The following CHD9 variants were observed in gnomAD, a reference collection of about 807,000 sequenced individuals.
CHD9 encodes the protein chromodomain helicase DNA binding protein 9.
Under a neutral mutation model 316.1 loss-of-function variants are expected in CHD9, and 77 were observed. The ratio of observed to expected loss-of-function variants is 0.24; its 90% CI spans 0.20 to 0.29. CHD9 has a LOEUF of 0.29. CHD9 is among the 10% of genes least tolerant of loss of function. CHD9 has a pLI of 1.00. For missense variants in CHD9, 2,763 were observed against 3,438.1 expected, an observed-to-expected ratio of 0.80 and a Z score of 4.91; for synonymous variants, 1,129 against 1,158.3, an observed-to-expected ratio of 0.97 and a Z score of 0.51.
chr16:53,128,550 T>C (rs955367875), intron 1 of CHD9, among the ~76,000 whole-genome samples: 2 of 152,184 alleles, frequency 1.3e-5, no homozygotes, highest in African/African-American at 4.8e-5. Context: ...CGCTTGGCTT[T>C]AGACAGCCCA....
At chr16:53,185,944 G>A (rs1273025533) in intron 2 of CHD9, among the ~76,000 whole-genome samples, 1 of 152,246 alleles carries the variant, frequency 6.6e-6, no homozygotes, top group African/African-American at 2.4e-5. Context: ...CCAGGCAGAA[G>A]TGTGCTGCAG....
intron 7 of CHD9, among the ~76,000 whole-genome samples, chr16:53,228,649 A>T (rs986813362): frequency 1.3e-5 from 2 of 150,754 alleles, no homozygotes; most frequent in East Asian, 3.9e-4. Flanking sequence ...GTTTTAAATC[A>T]CATTAGTTTC....
At chr16:53,308,936 A>C in intron 34 of CHD9, 82 bp downstream of exon 34, 1 of 1,139,426 alleles carries the variant, frequency 8.8e-7, no homozygotes, top group South Asian at 1.6e-5. Flanking sequence ...CTTGTAATAA[A>C]AATTTATTTT....
At chr16:53,084,072 T>C (rs957612567) in intron 1 of CHD9, among the ~76,000 whole-genome samples, 3 of 152,036 alleles carry the variant, frequency 2.0e-5, no homozygotes, top group Non-Finnish European at 4.4e-5. Flanking sequence ...TTGAATTTTT[T>C]TGTAGAGGTG....
At chr16:53,146,973 C>T (rs2040682804) in intron 1 of CHD9, among the ~76,000 whole-genome samples, 1 of 151,804 alleles carries the variant, frequency 6.6e-6, no homozygotes, top group Non-Finnish European at 1.5e-5. Context: ...CATTCCCTCT[C>T]CCCCACCAAA....
At chr16:53,110,822 G>T (rs1043448539) in intron 1 of CHD9, among the ~76,000 whole-genome samples, 3 of 152,124 alleles carry the variant, frequency 2.0e-5, no homozygotes, top group Non-Finnish European at 4.4e-5. Flanking sequence ...TGAGATGCTG[G>T]CAACTGATTC....
In CHD9 at chr16:53,253,080, G is replaced by C. The variant is rs990343815; in HGVS notation, c.3862-1358G>C. ...CTAAAAGGAAAATAAGTCATTATTC[G>C]AAAAAGATACTTGGACACACATGTT... is the stretch of plus-strand genomic sequence containing the variant. On this transcript the variant is annotated intron_variant, in intron 17 of 38. Transcript: ENST00000447540. Among the ~76,000 whole-genome samples the C allele has an allele frequency of 4.6e-5, 7 of 152,060 alleles. No homozygotes were observed. The South Asian group carries it at 8.3e-4, about 18-fold the overall frequency.
chr16:53,155,003 T>A (rs1239798140), intron 1 of CHD9, among the ~76,000 whole-genome samples: 1 of 152,198 alleles, frequency 6.6e-6, no homozygotes, highest in Non-Finnish European at 1.5e-5. Flanking sequence ...TATTTTAAAA[T>A]TTTTCCAGCG....
At chr16:53,319,746 C>G (rs1244021791) in intron 37 of CHD9, 11 of 850,260 alleles carry the variant, frequency 1.3e-5, no homozygotes, top group Non-Finnish European at 1.6e-5. Context: ...ATTGTAACTT[C>G]ATGAGAGGTT....
chr16:53,151,968 A>ATGTGTG (rs75657191), intron 1 of CHD9, among the ~76,000 whole-genome samples: 10 of 147,388 alleles, frequency 6.8e-5, no homozygotes, highest in African/African-American at 1.8e-4. Flanking sequence ...CTTTCAGGGT[A>ATGTGTG]TGTGTGTGTG....
At chr16:53,257,766 AGTTCCTTTTGTTT>A (rs2050734544) in intron 19 of CHD9, among the ~76,000 whole-genome samples, 1 of 152,166 alleles carries the variant, frequency 6.6e-6, no homozygotes, top group Admixed American at 6.5e-5. Flanking sequence ...GAAAAAAAGT[AGTTCCTTTTGTTT>A]CCAAAAGGAA....
intron 2 of CHD9, among the ~76,000 whole-genome samples, chr16:53,199,874 G>A (rs1567464980): frequency 6.6e-6 from 1 of 152,182 alleles, no homozygotes; most frequent in Non-Finnish European, 1.5e-5. Flanking sequence ...TGAAGGAGCT[G>A]TAAATGGCCA....
chr16:53,076,489 C>T (rs956429191), intron 1 of CHD9, among the ~76,000 whole-genome samples: 7 of 151,958 alleles, frequency 4.6e-5, no homozygotes, highest in South Asian at 2.1e-4. Flanking sequence ...GCAGGGAAAT[C>T]GCTTGAACCC....
rs180912351 is a variant in CHD9, at chr16:53,231,456, T to G, written c.2324T>G (p.Val775Gly). 5 of 1,602,042 alleles carry G rather than the reference T, an allele frequency of 3.1e-6. No homozygotes were observed. The highest frequency in any genetic ancestry group is 4.3e-6 in the Non-Finnish European group (5 of 1,170,512). Residue 775 changes from valine (V) to glycine (G), a missense_variant, in exon 9 of 39, where the codon GTA (valine) becomes GGA (glycine). Transcript: ENST00000447540. Reference protein sequence around the residue: ...EEPFNPDYVEVDRVLEVSFCE... With the variant: ...EEPFNPDYVEGDRVLEVSFCE... ...CCATTTAACCCAGACTACGTTGAAG[T>G]AGACAGAGTATTAGAAGTCTCTTTT... is the stretch of plus-strand genomic sequence containing the variant.
chr16:53,095,561 T>A (rs1167305415), intron 1 of CHD9, among the ~76,000 whole-genome samples: 1 of 151,156 alleles, frequency 6.6e-6, no homozygotes, highest in East Asian at 1.9e-4. Context: ...AAAAAAAAAA[T>A]TAAAATTAAA....
intron 36 of CHD9, among the ~76,000 whole-genome samples, chr16:53,317,705 G>C (rs925430134): frequency 6.6e-6 from 1 of 152,060 alleles, no homozygotes; most frequent in Non-Finnish European, 1.5e-5. Context: ...TATTGCCCGG[G>C]CTTAACTTTT....
rs993330671 is a variant in CHD9, at chr16:53,324,856, G to T, written c.8655G>T (p.Ser2885=). ...CTTCATCTGGATCTGATAGTACATC[G>T]TCGTCATCTGAGGATTCAGATTCTA... The part of the protein sequence containing the change: ...ADASSGSDST[S]SSSEDSDSSN... Residue 2885 remains serine, a synonymous_variant, in exon 39 of 39, where the codon TCG becomes TCT. Transcript: ENST00000447540. The T allele has an allele frequency of 1.2e-6, 2 of 1,606,728 alleles. No individual in the cohort carries two copies. Among genetic ancestry groups the T allele is most frequent in the Admixed American group, 1.7e-5 (1 of 58,300 alleles).
rs1394550885 is a variant in CHD9, at chr16:53,304,096, T to C, written c.6090T>C (p.Ser2030=). Residue 2030 remains serine, a synonymous_variant, in exon 31 of 39, where the codon TCT becomes TCC. Coordinates refer to ENST00000447540, the MANE Select transcript of CHD9 (RefSeq NM_001308319.2). ...QVALSASPLT[S]LPRLLDAKGI... ...CACTTTCTGCTTCTCCTCTTACCTC[T>C]CTACCTAGGCTCCTAGATGCTAAAG... 6.2e-7 allele frequency: 1 copy of C among 1,613,834 alleles called. No individual in the cohort carries two copies. The highest frequency in any genetic ancestry group is 8.5e-7 in the Non-Finnish European group (1 of 1,179,874).
chr16:53,309,563 T>C lies in CHD9; in HGVS notation c.7222+709T>C, dbSNP rs529056765. ...CAACACATATTTATTAAATACCTAA[T>C]TGGTGGTGCCCTGTGCTGTGTACTC... On this transcript the variant is annotated intron_variant, in intron 34 of 38. Transcript: ENST00000447540. Among the ~76,000 whole-genome samples, 6 of 152,344 alleles carry C rather than the reference T, an allele frequency of 3.9e-5. No homozygotes were observed. In the South Asian group the frequency reaches 1.2e-3, roughly 32 times the overall value.
Sources: gnomAD v4.1 joint callset for allele counts (sites outside exome capture counted in the v4.1 genomes callset) on GRCh38, gnomAD v4.1.1 for gene constraint, MANE v1.5 for transcripts, NCBI Gene and HGNC (gene_info 2026-07-23, HGNC 2026-07-21) for gene names.